TRPC4AP: variants seen among roughly 807,000 people sequenced by gnomAD.
TRPC4AP encodes the protein short transient receptor potential channel 4-associated protein.
TRPC4AP carries 45 observed loss-of-function variants against 99.0 expected under a neutral mutation model. The ratio of observed to expected loss-of-function variants is 0.45; its 90% CI spans 0.36 to 0.58. The LOEUF is 0.58. TRPC4AP is among the 20% of genes least tolerant of loss of function. TRPC4AP has a pLI of 0.00. For missense variants in TRPC4AP, 879 were observed against 985.3 expected (o/e 0.89, Z 1.44); for synonymous variants, 408 against 385.8 (o/e 1.06, Z -0.67).
intron 8 of TRPC4AP, among the ~76,000 whole-genome samples, chr20:35,033,064 G>A (rs1156410454): frequency 6.6e-6 from 1 of 152,002 alleles, no homozygotes; most frequent in African/African-American, 2.4e-5. Flanking sequence ...GGGTGTGGTG[G>A]CATGCACCTG....
chr20:35,083,642 C>T (rs2084711117), intron 1 of TRPC4AP, among the ~76,000 whole-genome samples: 1 of 150,526 alleles, frequency 6.6e-6, no homozygotes, highest in Non-Finnish European at 1.5e-5. Context: ...AAATAACTTC[C>T]AATTTATACT....
chr20:35,043,145 C>T (rs543000979), intron 7 of TRPC4AP, among the ~76,000 whole-genome samples: 94 of 152,164 alleles, frequency 6.2e-4, no homozygotes, highest in Middle Eastern at 3.4e-3. Flanking sequence ...CAAAGCTACA[C>T]AATTTTCCAT....
intron 6 of TRPC4AP, among the ~76,000 whole-genome samples, chr20:35,047,280 C>T (rs982374870): frequency 2.0e-5 from 3 of 152,186 alleles, no homozygotes; most frequent in Admixed American, 6.5e-5. Context: ...CTGGGAACCA[C>T]CATCATTAAT....
At position 35,072,754 on chromosome 20, in the gene TRPC4AP, T is replaced by C. The variant is rs192474598; in HGVS notation, c.298-3342A>G. Among the ~76,000 whole-genome samples the C allele has an allele frequency of 3.9e-5, 6 of 152,336 alleles. No individual in the cohort carries two copies. In the East Asian group the frequency reaches 1.2e-3, roughly 29 times the overall value. Reference sequence around the variant, plus strand: ...TTGGTTCTTTTGGCTTAGGATTGTCTTGGCAATGTGGGCTCTTTTTTGGTT... The same window carrying C: ...TTGGTTCTTTTGGCTTAGGATTGTCCTGGCAATGTGGGCTCTTTTTTGGTT... On this transcript the variant is annotated intron_variant, in intron 2 of 18. Transcript: ENST00000252015.
chr20:35,025,659 T>G (rs1280973393), intron 8 of TRPC4AP, among the ~76,000 whole-genome samples: 1 of 152,196 alleles, frequency 6.6e-6, no homozygotes, highest in Admixed American at 6.5e-5. Flanking sequence ...AATCCCTTAT[T>G]AGATATATTA....
chr20:35,022,886 G>A (rs940041434), intron 8 of TRPC4AP, among the ~76,000 whole-genome samples: 2 of 152,130 alleles, frequency 1.3e-5, no homozygotes, highest in African/African-American at 4.8e-5. Context: ...AGCTGGGCAT[G>A]GTGGCATGCG....
At chr20:35,069,986 G>T (rs746865334) in intron 2 of TRPC4AP, among the ~76,000 whole-genome samples, 1 of 151,948 alleles carries the variant, frequency 6.6e-6, no homozygotes, top group Non-Finnish European at 1.5e-5. Context: ...TGCCATCCTG[G>T]AACCCAAACA....
At chr20:35,061,302 C>A (rs1409432362) in intron 3 of TRPC4AP, among the ~76,000 whole-genome samples, 1 of 152,090 alleles carries the variant, frequency 6.6e-6, no homozygotes, top group African/African-American at 2.4e-5. Context: ...AAGACTTGTA[C>A]AACAAAACAT....
At chr20:35,013,439 C>A (rs1279088363) in intron 10 of TRPC4AP, among the ~76,000 whole-genome samples, 1 of 152,096 alleles carries the variant, frequency 6.6e-6, no homozygotes, top group East Asian at 1.9e-4. Flanking sequence ...ATTAGCCAGG[C>A]ATAGTTGCTG....
intron 2 of TRPC4AP, among the ~76,000 whole-genome samples, chr20:35,077,385 C>T (rs1285511465): frequency 6.6e-6 from 1 of 152,152 alleles, no homozygotes; most frequent in Non-Finnish European, 1.5e-5. Context: ...ATTTGGCCAT[C>T]CTGGAACCGG....
intron 11 of TRPC4AP, 120 bp downstream of exon 11, chr20:35,012,888 A>AGT: frequency 2.1e-6 from 2 of 954,790 alleles, no homozygotes; most frequent in Non-Finnish European, 1.7e-6. Flanking sequence ...CTGAGGGGAC[A>AGT]GTGGGCTTCC....
chr20:35,035,613 G>A (rs1284954259), intron 7 of TRPC4AP, among the ~76,000 whole-genome samples: 11 of 152,150 alleles, frequency 7.2e-5, no homozygotes, highest in Admixed American at 2.6e-4. Flanking sequence ...TTACCATAAC[G>A]AAATAACCAG....
chr20:35,022,209 G>A (rs2082906392), intron 8 of TRPC4AP, among the ~76,000 whole-genome samples: 2 of 152,198 alleles, frequency 1.3e-5, no homozygotes, highest in South Asian at 4.1e-4. Flanking sequence ...AGGCTGGAGT[G>A]CAGTGGCATG....
At chr20:35,092,279 G>A (rs2085092552) in intron 1 of TRPC4AP, among the ~76,000 whole-genome samples, 1 of 152,016 alleles carries the variant, frequency 6.6e-6, no homozygotes, top group Non-Finnish European at 1.5e-5. Flanking sequence ...TAAACTCGAG[G>A]CCCACAGAGG....
At chr20:35,048,749 C>T (rs935620844) in intron 6 of TRPC4AP, among the ~76,000 whole-genome samples, 1 of 152,200 alleles carries the variant, frequency 6.6e-6, no homozygotes, top group Non-Finnish European at 1.5e-5. Context: ...AGGAGCACTT[C>T]TAGACTCCTA....
At chr20:35,060,769 A>G (rs2145971684) in intron 3 of TRPC4AP, among the ~76,000 whole-genome samples, 1 of 152,142 alleles carries the variant, frequency 6.6e-6, no homozygotes, top group South Asian at 2.1e-4. Flanking sequence ...ATGCAGAAAA[A>G]GCGTTTGGAA....
intron 1 of TRPC4AP, among the ~76,000 whole-genome samples, chr20:35,092,170 G>A (rs1034195309): frequency 9.9e-5 from 15 of 152,172 alleles, no homozygotes; most frequent in African/African-American, 3.1e-4. Flanking sequence ...GAAGGAAAGA[G>A]TGTCAAGGAA....
At chr20:35,024,854 A>AAAAAAAAAAAAAAAAAAAAAAAAAAACAT (rs1479270980) in intron 8 of TRPC4AP, among the ~76,000 whole-genome samples, 1 of 89,478 alleles carries the variant, frequency 1.1e-5, no homozygotes, top group African/African-American at 3.9e-5. Flanking sequence ...AAAAAAAAAA[A>AAAAAAAAAAAAAAAAAAAAAAAAAAACAT]ATTCTGTTTA....
chr20:35,059,740 G>A lies in TRPC4AP; in HGVS notation c.415-2169C>T, dbSNP rs896294617. On this transcript the variant is annotated intron_variant, in intron 3 of 18. Transcript: ENST00000252015. ...AGAAGAAGAAGAGGAAGAAGACTAC[G>A]ACGAAGAAGAAGAAGACGAAGAAGA... Among the ~76,000 whole-genome samples the A allele has an allele frequency of 3.3e-5, 5 of 151,030 alleles. No homozygotes were observed. The East Asian group carries it at 5.8e-4, about 18-fold the overall frequency.
Sources: allele counts gnomAD v4.1 joint callset (sites outside exome capture counted in the v4.1 genomes callset), GRCh38; gene constraint gnomAD v4.1.1; transcripts MANE v1.5; gene names NCBI Gene and HGNC (gene_info 2026-07-23, HGNC 2026-07-21).